The following GHR variants were observed in gnomAD, a reference collection of about 807,000 sequenced individuals.
The protein encoded by GHR is GH receptor.
Under a neutral mutation model 67.1 loss-of-function variants are expected in GHR, and 35 were observed. The observed-to-expected ratio is 0.52, with a 90% CI of 0.40 to 0.69. GHR has a LOEUF of 0.69. Among genes scored for constraint, GHR ranks in the 30% least tolerant of loss-of-function variants. The pLI is 0.00. For synonymous variants in GHR, 272 were observed against 269.1 expected, an observed-to-expected ratio of 1.01 and a Z score of -0.10; for missense variants, 792 against 764.6, an observed-to-expected ratio of 1.04 and a Z score of -0.42.
At chr5:42,472,985 A>G (rs934499785) in intron 1 of GHR, among the ~76,000 whole-genome samples, 1 of 152,224 alleles carries the variant, frequency 6.6e-6, no homozygotes, top group African/African-American at 2.4e-5. Context: ...TTGCTATGAC[A>G]GAATGAGATT....
intron 1 of GHR, among the ~76,000 whole-genome samples, chr5:42,454,519 T>C (rs1744180439): frequency 6.6e-6 from 1 of 152,188 alleles, no homozygotes; most frequent in Non-Finnish European, 1.5e-5. Context: ...AGACTCTTCT[T>C]GGGCTAGTCT....
chr5:42,496,417 C>T (rs1746321927), intron 1 of GHR, among the ~76,000 whole-genome samples: 1 of 151,832 alleles, frequency 6.6e-6, no homozygotes, highest in African/African-American at 2.4e-5. Context: ...AGTGATAAAA[C>T]ACAAGAAAGT....
intron 3 of GHR, among the ~76,000 whole-genome samples, chr5:42,681,551 A>G (rs1310936981): frequency 6.6e-6 from 1 of 152,338 alleles, no homozygotes; most frequent in African/African-American, 2.4e-5. Flanking sequence ...ACAGTGTGGC[A>G]ATTCCTCAAG....
At chr5:42,485,751 A>G (rs956641749) in intron 1 of GHR, among the ~76,000 whole-genome samples, 1 of 152,214 alleles carries the variant, frequency 6.6e-6, no homozygotes, top group African/African-American at 2.4e-5. Context: ...AGTTTTACAT[A>G]GATTCATTAT....
At chr5:42,540,677 C>G (rs1748467564) in intron 1 of GHR, among the ~76,000 whole-genome samples, 2 of 151,440 alleles carry the variant, frequency 1.3e-5, no homozygotes, top group African/African-American at 4.9e-5. Context: ...CCTGTCCCCA[C>G]CCATCCCCTC....
chr5:42,601,567 T>G (rs973883973), intron 2 of GHR, among the ~76,000 whole-genome samples: 1 of 152,182 alleles, frequency 6.6e-6, no homozygotes, highest in Non-Finnish European at 1.5e-5. Context: ...GAAACTGCAG[T>G]TCAAAACACA....
At chr5:42,578,043 A>G (rs1329056870) in intron 2 of GHR, among the ~76,000 whole-genome samples, 2 of 152,208 alleles carry the variant, frequency 1.3e-5, no homozygotes, top group Non-Finnish European at 2.9e-5. Context: ...CTAAATGAGG[A>G]TTTCTCAACC....
chr5:42,534,094 G>GTA (rs1240090698), intron 1 of GHR, among the ~76,000 whole-genome samples: 1 of 146,858 alleles, frequency 6.8e-6, no homozygotes, highest in Non-Finnish European at 1.5e-5. Context: ...ATATATGTAA[G>GTA]TATATATGTA....
intron 1 of GHR, chr5:42,548,351 T>C (rs1269192884): frequency 2.0e-6 from 2 of 985,278 alleles, no homozygotes; most frequent in Non-Finnish European, 2.4e-6. Flanking sequence ...AAGAAACTTC[T>C]GTGGGATCCC....
chr5:42,449,355 C>T (rs113771166), intron 1 of GHR, among the ~76,000 whole-genome samples: 11 of 152,194 alleles, frequency 7.2e-5, no homozygotes, highest in East Asian at 3.9e-4. Flanking sequence ...TCAACTCCTT[C>T]GTTAAGTATA....
intron 2 of GHR, among the ~76,000 whole-genome samples, chr5:42,576,827 T>C (rs1162528326): frequency 6.6e-6 from 1 of 152,254 alleles, no homozygotes; most frequent in Non-Finnish European, 1.5e-5. Flanking sequence ...ATCTGATTAA[T>C]ACAGCAAGTA....
chr5:42,515,652 C>G (rs991171477), intron 1 of GHR, among the ~76,000 whole-genome samples: 6 of 152,242 alleles, frequency 3.9e-5, no homozygotes, highest in African/African-American at 1.4e-4. Context: ...TGAATTAACA[C>G]TGGGTGGATA....
intron 2 of GHR, among the ~76,000 whole-genome samples, chr5:42,608,876 A>C (rs1752754891): frequency 6.6e-6 from 1 of 152,072 alleles, no homozygotes; most frequent in Non-Finnish European, 1.5e-5. Context: ...TTTCCATCAA[A>C]AGCTACATGC....
intron 2 of GHR, among the ~76,000 whole-genome samples, chr5:42,582,234 CAGTGA>C (rs1751214480): frequency 6.6e-6 from 1 of 152,260 alleles, no homozygotes; most frequent in African/African-American, 2.4e-5. Flanking sequence ...GGCCAGTCCC[CAGTGA>C]AGCTCCACCT....
intron 2 of GHR, among the ~76,000 whole-genome samples, chr5:42,603,163 CA>C (rs1752465006): frequency 1.3e-5 from 2 of 151,722 alleles, no homozygotes; most frequent in African/African-American, 4.8e-5. Flanking sequence ...CTTTTTTCAG[CA>C]CTTGGAATAT....
At chr5:42,661,214 G>A (rs1187944507) in intron 3 of GHR, among the ~76,000 whole-genome samples, 4 of 152,186 alleles carry the variant, frequency 2.6e-5, no homozygotes, top group Non-Finnish European at 5.9e-5. Context: ...CCCCAATCTA[G>A]CAAGGCAGGC....
chr5:42,571,248 T>A (rs1360925531), intron 2 of GHR, among the ~76,000 whole-genome samples: 1 of 152,208 alleles, frequency 6.6e-6, no homozygotes, highest in Non-Finnish European at 1.5e-5. Context: ...GCTTCTTTTG[T>A]ACTATTTCTC....
intron 3 of GHR, among the ~76,000 whole-genome samples, chr5:42,667,196 C>T (rs967976310): frequency 1.3e-5 from 2 of 152,122 alleles, no homozygotes; most frequent in African/African-American, 4.8e-5. Context: ...AATTTAAGGT[C>T]GAACCTCCCT....
At chr5:42,558,487 A>C (rs1435076889) in intron 1 of GHR, among the ~76,000 whole-genome samples, 1 of 152,246 alleles carries the variant, frequency 6.6e-6, no homozygotes, top group African/African-American at 2.4e-5. Flanking sequence ...TAAAATTTTC[A>C]ACTATAGTCA....
Sources: allele counts gnomAD v4.1 joint callset (sites outside exome capture counted in the v4.1 genomes callset), GRCh38; gene constraint gnomAD v4.1.1; transcripts MANE v1.5; gene names NCBI Gene and HGNC (gene_info 2026-07-23, HGNC 2026-07-21).